The following PAPOLG variants were observed in gnomAD, a reference collection of about 807,000 sequenced individuals.
PAPOLG encodes poly(A) polymerase gamma.
Under a neutral mutation model 99.0 loss-of-function variants are expected in PAPOLG, and 40 were observed. The ratio of observed to expected loss-of-function variants is 0.40; its 90% confidence interval spans 0.31 to 0.53. The LOEUF (loss-of-function observed/expected upper bound fraction) is 0.53, where lower values mean the gene tolerates loss of function less well. Among genes scored for constraint, PAPOLG ranks in the 20% least tolerant of loss-of-function variants. The probability of loss-of-function intolerance (pLI) is 0.41; values close to 1 mark genes in which losing one functional copy is unlikely to be tolerated. For missense variants in PAPOLG, 675 were observed against 884.1 expected (o/e 0.76, Z 3.00); for synonymous variants, 310 against 299.3 (o/e 1.04, Z -0.37).
At chr2:60,768,652 G>C (rs1670757660) in intron 4 of PAPOLG, 101 bp downstream of exon 4, 2 of 1,325,430 alleles carry the variant, frequency 1.5e-6, no homozygotes, top group Middle Eastern at 1.9e-4. Flanking sequence ...TCACTACTTA[G>C]AGCTAATCAT....
At position 60,791,793 on chromosome 2, in the gene PAPOLG, A is replaced by C; in HGVS notation, c.1429A>C (p.Lys477Gln). ...YRQANNINML[K>Q]EGMKIEATHV... ...ACAGGCAAACAATATAAATATGCTA[A>C]AGGAGGGAATGAAAATTGAAGCAAC... Residue 477 changes from lysine to glutamine, a missense_variant, in exon 16 of 22, where the codon AAG (lysine) becomes CAG (glutamine). Lys to Gln is a moderately conservative substitution (Grantham distance 53, BLOSUM62 1). This residue lies in a region of PAPOLG where 413 missense variants were observed against 460.5 expected (regional missense o/e 0.90). Transcript: ENST00000238714. The C allele has an allele frequency of 6.2e-7, 1 of 1,613,544 alleles. No homozygotes were observed. Among genetic ancestry groups the C allele is most frequent in the South Asian group, 1.1e-5 (1 of 91,044 alleles).
chr2:60,756,268 AT>A lies in PAPOLG; in HGVS notation c.-209del, dbSNP rs1670333186. 1 of 625,612 alleles carries A rather than the reference AT, an allele frequency of 1.6e-6. No homozygotes were observed. Among genetic ancestry groups the A allele is most frequent in the Non-Finnish European group, 2.9e-6 (1 of 349,012 alleles). The allele number at this position is 625,612 out of a possible 1,614,324, so 38.8% of individuals were successfully genotyped here. A position where few individuals can be genotyped will look rare whatever the true frequency, so the allele number is the denominator to read the frequency against. On this transcript the variant is annotated 5_prime_UTR_variant, in exon 1 of 22. It adds an upstream start codon to the 5' untranslated region. Coordinates refer to ENST00000238714, the MANE Select transcript of PAPOLG (RefSeq NM_022894.4). The stretch of plus-strand genomic sequence containing the variant: ...GAGGCAGGCTGGGAAGCGGCGCCAT[AT>A]TGGCGTCGGCCGCGCTGTATTGTCA...
At chr2:60,782,289 G>C (rs767021409) in intron 11 of PAPOLG, among the ~76,000 whole-genome samples, 33 of 152,118 alleles carry the variant, frequency 2.2e-4, no homozygotes, top group Non-Finnish European at 3.7e-4. Flanking sequence ...TTGGTGGGCC[G>C]GGCGCGATGG....
intron 3 of PAPOLG, among the ~76,000 whole-genome samples, chr2:60,764,605 T>C (rs1373017644): frequency 1.3e-5 from 2 of 152,050 alleles, no homozygotes; most frequent in Non-Finnish European, 2.9e-5. Context: ...TTTGTATTTT[T>C]GATAGAGACG....
chr2:60,786,824 C>T (rs1317945811), intron 13 of PAPOLG, 123 bp from the exon 14 acceptor site: 2 of 1,210,890 alleles, frequency 1.7e-6, no homozygotes, highest in Non-Finnish European at 2.3e-6. Flanking sequence ...GCCACCATGC[C>T]CAGCCCGAAG....
chr2:60,784,464 A>T (rs1573245528), intron 13 of PAPOLG, among the ~76,000 whole-genome samples: 2 of 152,198 alleles, frequency 1.3e-5, no homozygotes, highest in South Asian at 4.1e-4. Context: ...TTCTGCCTCT[A>T]CTATATTCAC....
chr2:60,792,068 G>A, intron 16 of PAPOLG, 61 bp from the exon 17 acceptor site: 4 of 1,523,276 alleles, frequency 2.6e-6, no homozygotes, highest in Non-Finnish European at 3.5e-6. Flanking sequence ...CTTCAGAATT[G>A]AAACCAGTCT....
At chr2:60,794,817 G>A (rs754514657) in intron 20 of PAPOLG, 42 bp downstream of exon 20, 2 of 1,557,132 alleles carry the variant, frequency 1.3e-6, no homozygotes, top group South Asian at 1.1e-5. Flanking sequence ...TTATTGTAAA[G>A]CGCCATGTAT....
intron 7 of PAPOLG, among the ~76,000 whole-genome samples, chr2:60,774,427 G>A (rs1300606874): frequency 2.7e-5 from 4 of 150,374 alleles, no homozygotes; most frequent in Non-Finnish European, 4.4e-5. Context: ...GTGCAGTGGC[G>A]TGATCTCAGC....
At chr2:60,774,677 C>A (rs1670965304) in intron 7 of PAPOLG, among the ~76,000 whole-genome samples, 1 of 152,126 alleles carries the variant, frequency 6.6e-6, no homozygotes, top group African/African-American at 2.4e-5. Flanking sequence ...TTGACCGAAT[C>A]ATTATTGCAC....
intron 3 of PAPOLG, among the ~76,000 whole-genome samples, chr2:60,768,030 C>G (rs1364589835): frequency 2.0e-5 from 3 of 152,222 alleles, no homozygotes; most frequent in Admixed American, 6.5e-5. Context: ...TTTTACAAAT[C>G]TAATCTTGAC....
At chr2:60,783,784 T>A (rs1302574179) in intron 13 of PAPOLG, among the ~76,000 whole-genome samples, 1 of 151,990 alleles carries the variant, frequency 6.6e-6, no homozygotes, top group Non-Finnish European at 1.5e-5. Flanking sequence ...TACTGGTGAT[T>A]GTTGTGCATG....
At chr2:60,757,679 T>A (rs1430199893) in intron 1 of PAPOLG, among the ~76,000 whole-genome samples, 3 of 152,240 alleles carry the variant, frequency 2.0e-5, no homozygotes, top group Non-Finnish European at 4.4e-5. Flanking sequence ...TCTTTTCCTG[T>A]TAGTGACTAT....
intron 3 of PAPOLG, among the ~76,000 whole-genome samples, chr2:60,768,044 G>C (rs1670733989): frequency 6.6e-6 from 1 of 152,150 alleles, no homozygotes; most frequent in African/African-American, 2.4e-5. Flanking sequence ...TCTTGACAAG[G>C]TTGGCAAATC....
At chr2:60,787,871 G>T (rs1199871840) in intron 15 of PAPOLG, among the ~76,000 whole-genome samples, 1 of 152,126 alleles carries the variant, frequency 6.6e-6, no homozygotes, top group Non-Finnish European at 1.5e-5. Flanking sequence ...GGCTAATACG[G>T]TGAAACCCCG....
rs1307083018 is a variant in PAPOLG at position 60,787,064 on chromosome 2, A to G, written c.1284A>G (p.Lys428=). 1.9e-6 allele frequency: 3 copies of G among 1,591,648 alleles called. No individual in the cohort carries two copies. The African/African-American group carries it at 4.1e-5, about 22-fold the overall frequency. ...QSFPGNKEHH[K]DNNYVSMWFL... ...TCCCAGGGAATAAGGAACATCATAA[A>G]GAGTAAGTTAATTGTTTTATAATAC... Residue 428 remains lysine, a splice_region_variant and synonymous_variant, in exon 14 of 22, where the codon AAA becomes AAG. Transcript: ENST00000238714.
chr2:60,782,326 G>A (rs968208277), intron 11 of PAPOLG, among the ~76,000 whole-genome samples: 15 of 152,068 alleles, frequency 9.9e-5, no homozygotes, highest in Admixed American at 5.9e-4. Context: ...TAGCACTTTG[G>A]GAGGCCGAGG....
At chr2:60,771,388 G>A (rs1670846079) in intron 6 of PAPOLG, 131 bp from the exon 7 acceptor site, 2 of 1,058,154 alleles carry the variant, frequency 1.9e-6, no homozygotes, top group Non-Finnish European at 2.6e-6. Flanking sequence ...TGCCTACATA[G>A]GCCTATCGAA....
At chr2:60,771,121 G>T (rs1270894469) in intron 6 of PAPOLG, among the ~76,000 whole-genome samples, 1 of 151,896 alleles carries the variant, frequency 6.6e-6, no homozygotes, top group Non-Finnish European at 1.5e-5. Context: ...TCTGTTCTTT[G>T]TCCTAGTGAA....
Sources: allele counts gnomAD v4.1 joint callset (sites outside exome capture counted in the v4.1 genomes callset), GRCh38; gene constraint gnomAD v4.1.1; regional missense constraint gnomAD v4.1.1; transcripts MANE v1.5; gene names NCBI Gene and HGNC (gene_info 2026-07-23, HGNC 2026-07-21).